MTRF1: variants seen among roughly 807,000 people sequenced by gnomAD.
MTRF1 encodes the protein peptide chain release factor 1, mitochondrial.
In MTRF1, 51 loss-of-function variants were observed where a neutral mutation model predicts 62.9. The ratio of observed to expected loss-of-function variants is 0.81; its 90% CI spans 0.65 to 1.02. The LOEUF is 1.02. MTRF1 is among the 50% of genes least tolerant of loss of function. The pLI, the probability that MTRF1 is intolerant of heterozygous loss-of-function variation, is 0.00. For synonymous variants in MTRF1, 158 were observed against 181.9 expected (o/e 0.87, Z 1.06); for missense variants, 446 against 530.0 (o/e 0.84, Z 1.56).
At chr13:41,278,244 T>G in the MTRF1 span, among the ~76,000 whole-genome samples, 1 of 152,188 alleles carries the variant, frequency 6.6e-6, no homozygotes, top group Non-Finnish European at 1.5e-5. Context: ...TTGTTAATGG[T>G]GGAGGGTGTC....
At chr13:41,301,863 T>C in the MTRF1 span, among the ~76,000 whole-genome samples, 1 of 152,178 alleles carries the variant, frequency 6.6e-6, no homozygotes, top group African/African-American at 2.4e-5. Context: ...GATGAACAGA[T>C]GAAAAGTCTG....
rs1238872565 is a variant in MTRF1 at position 41,260,798 on chromosome 13, G to GT, written c.109dup (p.Thr37AsnfsTer7). The stretch of plus-strand genomic sequence containing the variant: ...GTTTTGTCTAAAAACTTGCAGCCTT[G>GT]TATCAAGATGTATCTGTCTAAATTG... On this transcript the variant is annotated frameshift_variant, in exon 2 of 10. Transcript: ENST00000379480. LOFTEE classifies it high-confidence loss of function. 4.3e-6 allele frequency: 7 copies of GT among 1,614,018 alleles called. No individual in the cohort carries two copies. Among genetic ancestry groups the GT allele is most frequent in the Non-Finnish European group, 5.9e-6 (7 of 1,180,006 alleles).
upstream of MTRF1, among the ~76,000 whole-genome samples, chr13:41,267,186 A>C (rs1164400045): frequency 6.6e-6 from 1 of 151,990 alleles, no homozygotes; most frequent in East Asian, 1.9e-4. Flanking sequence ...TATTTGTTGA[A>C]GAAACTGGAT....
the MTRF1 span, among the ~76,000 whole-genome samples, chr13:41,298,828 C>T: frequency 1.8e-4 from 27 of 152,070 alleles, no homozygotes; most frequent in Admixed American, 5.9e-4. Context: ...GCCAGAACAG[C>T]GGAAGAAGGA....
chr13:41,226,690 G>A, intron 7 of MTRF1, 122 bp from the exon 8 acceptor site: 1 of 1,137,336 alleles, frequency 8.8e-7, no homozygotes, highest in African/African-American at 1.6e-5. Context: ...AACATTTTAG[G>A]TTTAGCACAC....
At chr13:41,248,323 T>C (rs1321152032) in intron 5 of MTRF1, among the ~76,000 whole-genome samples, 3 of 152,222 alleles carry the variant, frequency 2.0e-5, no homozygotes, top group Non-Finnish European at 4.4e-5. Context: ...GGTTTTGCCA[T>C]GTTGGCCAAG....
chr13:41,311,694 C>A, the MTRF1 span: 3 of 993,134 alleles, frequency 3.0e-6, no homozygotes, highest in African/African-American at 1.7e-5. Flanking sequence ...CGCTGCCCAC[C>A]GCTCTTTGTT....
intron 9 of MTRF1, among the ~76,000 whole-genome samples, chr13:41,218,805 C>T (rs966841183): frequency 6.6e-6 from 1 of 152,130 alleles, no homozygotes; most frequent in Non-Finnish European, 1.5e-5. Context: ...TAAAGTTGAA[C>T]TTTAGGAAGT....
chr13:41,246,070 G>A (rs574170013), intron 5 of MTRF1, among the ~76,000 whole-genome samples: 38 of 152,170 alleles, frequency 2.5e-4, no homozygotes, highest in African/African-American at 9.2e-4. Flanking sequence ...ATTGGAGAGC[G>A]TAAACCTCCT....
At chr13:41,303,007 A>G in the MTRF1 span, among the ~76,000 whole-genome samples, 45 of 152,278 alleles carry the variant, frequency 3.0e-4, no homozygotes, top group East Asian at 7.5e-3. Flanking sequence ...AAGAGGCTGG[A>G]ATACATACAT....
chr13:41,266,852 G>A (rs376550624), upstream of MTRF1, among the ~76,000 whole-genome samples: 17 of 151,844 alleles, frequency 1.1e-4, no homozygotes, highest in African/African-American at 4.1e-4. Flanking sequence ...AAAATTAGCC[G>A]GGCGTGGTGG....
chr13:41,286,517 G>T, the MTRF1 span, among the ~76,000 whole-genome samples: 3 of 152,208 alleles, frequency 2.0e-5, no homozygotes, highest in Non-Finnish European at 4.4e-5. Flanking sequence ...GTCATAAGCA[G>T]CATTGGCAAA....
chr13:41,278,763 C>T, the MTRF1 span, among the ~76,000 whole-genome samples: 2 of 152,122 alleles, frequency 1.3e-5, no homozygotes, highest in South Asian at 4.1e-4. Flanking sequence ...TACCAACAGG[C>T]AATATAGCTA....
At chr13:41,288,994 A>G in the MTRF1 span, among the ~76,000 whole-genome samples, 5 of 152,266 alleles carry the variant, frequency 3.3e-5, no homozygotes, top group South Asian at 1.0e-3. Context: ...GCAATCATCA[A>G]AGCTGACCCT....
At chr13:41,258,750 A>C (rs955730437) in intron 2 of MTRF1, among the ~76,000 whole-genome samples, 1 of 152,154 alleles carries the variant, frequency 6.6e-6, no homozygotes, top group Non-Finnish European at 1.5e-5. Context: ...CCCAAAACTC[A>C]AGCAACAAGA....
rs529781219 is a variant in MTRF1, at chr13:41,240,291, C to G, written c.840G>C (p.Met280Ile). 2 of 1,611,586 alleles carry G rather than the reference C, an allele frequency of 1.2e-6. No individual in the cohort carries two copies. Among genetic ancestry groups the G allele is most frequent in the East Asian group, 4.5e-5 (2 of 44,722 alleles). ...CTGGCTGAGGAAGGACAATAACCGA[C>G]ATCGTTCCTGTGTGAATGCGCTGCA... ...SRMQRIHTGTMSVIVLPQPDE... is the reference protein window; with the variant it reads ...SRMQRIHTGTISVIVLPQPDE... The change falls in exon 6 of 10, where the codon ATG (methionine) becomes ATC (isoleucine). Residue 280 changes from methionine to isoleucine, a missense_variant. Transcript: ENST00000379480.
At chr13:41,249,061 A>C (rs1196152100) in intron 5 of MTRF1, among the ~76,000 whole-genome samples, 1 of 151,408 alleles carries the variant, frequency 6.6e-6, no homozygotes, top group Non-Finnish European at 1.5e-5. Flanking sequence ...TTTCTTTTCA[A>C]CTTTAGCTTT....
intron 7 of MTRF1, among the ~76,000 whole-genome samples, chr13:41,230,494 C>A (rs1298780624): frequency 6.6e-6 from 1 of 151,428 alleles, no homozygotes; most frequent in Admixed American, 6.6e-5. Context: ...GAACTCCCGA[C>A]CTCAGGTGAT....
rs777837127 is a variant in MTRF1, at chr13:41,260,530, A to G, written c.378T>C (p.Thr126=). The G allele has an allele frequency of 2.5e-6, 4 of 1,613,776 alleles. No individual in the cohort carries two copies. The highest frequency in any genetic ancestry group is 1.1e-5 in the South Asian group (1 of 91,064). ...LAAIYQEIQE[T]EQAIEELESM... ...ATTCTAATTCTTCAATTGCTTGTTCAGTCTCCTGAATTTCTTGGTAAATGG... is the reference window on the plus strand; with the variant it reads ...ATTCTAATTCTTCAATTGCTTGTTCGGTCTCCTGAATTTCTTGGTAAATGG... The change falls in exon 2 of 10, where the codon ACT becomes ACC. Residue 126 remains threonine (T), a synonymous_variant. Transcript: ENST00000379480.
Sources: allele counts gnomAD v4.1 joint callset (sites outside exome capture counted in the v4.1 genomes callset), GRCh38; gene constraint gnomAD v4.1.1; transcripts MANE v1.5; gene names NCBI Gene and HGNC (gene_info 2026-07-23, HGNC 2026-07-21).